Variants in PIGL observed in about 807,000 individuals in gnomAD.
PIGL encodes the protein N-acetylglucosaminyl-phosphatidylinositol de-N-acetylase.
A neutral mutation model predicts 31.1 loss-of-function variants in PIGL; 22 were observed. The observed-to-expected ratio is 0.71, with a 90% confidence interval of 0.51 to 1.01. PIGL has a LOEUF of 1.01. Ranked by LOEUF, PIGL falls within the 50% of genes least tolerant of loss-of-function variation. The pLI, the probability that PIGL is intolerant of heterozygous loss-of-function variation, is 0.00. For missense variants in PIGL, 302 were observed against 315.9 expected, an observed-to-expected ratio of 0.96 and a Z score of 0.33; for synonymous variants, 131 against 117.4, an observed-to-expected ratio of 1.12 and a Z score of -0.75.
At chr17:16,248,963 TGTG>T (rs2092759707) in intron 2 of PIGL, among the ~76,000 whole-genome samples, 1 of 152,168 alleles carries the variant, frequency 6.6e-6, no homozygotes, top group African/African-American at 2.4e-5. Context: ...CTGTGCCTCA[TGTG>T]GTGGAGGGAC....
intron 2 of PIGL, among the ~76,000 whole-genome samples, chr17:16,290,098 A>T (rs1042980629): frequency 1.1e-4 from 16 of 140,382 alleles, no homozygotes; most frequent in African/African-American, 3.7e-4. Flanking sequence ...TCTTTTTTTT[A>T]ATTTTTTTTT....
intron 6 of PIGL, among the ~76,000 whole-genome samples, chr17:16,318,274 CTT>C (rs879336540): frequency 9.0e-5 from 13 of 144,956 alleles, no homozygotes; most frequent in African/African-American, 2.5e-4. Flanking sequence ...TCTTTCTACT[CTT>C]TTTTTTTTTT....
chr17:16,296,084 T>A (rs993678685), intron 2 of PIGL, among the ~76,000 whole-genome samples: 6 of 152,252 alleles, frequency 3.9e-5, no homozygotes, highest in African/African-American at 1.4e-4. Flanking sequence ...TCCATATTTA[T>A]GTACTTATTT....
At chr17:16,292,087 T>G (rs1158513901) in intron 2 of PIGL, among the ~76,000 whole-genome samples, 3 of 136,490 alleles carry the variant, frequency 2.2e-5, no homozygotes, top group Non-Finnish European at 3.1e-5. Flanking sequence ...CAGGCTGGAG[T>G]ACAGTGACAT....
At chr17:16,246,787 G>A (rs1436075705) in intron 2 of PIGL, among the ~76,000 whole-genome samples, 2 of 143,522 alleles carry the variant, frequency 1.4e-5, no homozygotes, top group African/African-American at 2.6e-5. Context: ...CCGGGTTCAC[G>A]CCATTCTCCT....
chr17:16,308,738 G>A (rs1437648466), intron 3 of PIGL, among the ~76,000 whole-genome samples: 2 of 150,782 alleles, frequency 1.3e-5, no homozygotes, highest in African/African-American at 2.4e-5. Context: ...GCCAGGTATG[G>A]TGGCATGCAC....
intron 2 of PIGL, among the ~76,000 whole-genome samples, chr17:16,247,263 A>G (rs1268863784): frequency 3.9e-5 from 6 of 152,194 alleles, no homozygotes; most frequent in African/African-American, 7.2e-5. Flanking sequence ...TATTCAGTTC[A>G]TAGTATTCCA....
At chr17:16,246,187 G>A (rs992156839) in intron 2 of PIGL, among the ~76,000 whole-genome samples, 7 of 151,214 alleles carry the variant, frequency 4.6e-5, no homozygotes, top group Non-Finnish European at 7.4e-5. Context: ...TCCCCTACTC[G>A]TGAAATGCTA....
rs150053434 is a variant in PIGL, at chr17:16,284,422, A to G, written c.336-15466A>G. Reference sequence around the variant, plus strand: ...TGATAGCAGCCCCTTCTCAAAACAAATCTCCTTCTTGCCTGGGGACTAGAC... The same window carrying G: ...TGATAGCAGCCCCTTCTCAAAACAAGTCTCCTTCTTGCCTGGGGACTAGAC... On this transcript the variant is annotated intron_variant, in intron 2 of 6. Transcript: ENST00000225609. Among the ~76,000 whole-genome samples, 14 of 152,266 alleles carry G rather than the reference A, an allele frequency of 9.2e-5. No homozygotes were observed. The East Asian group carries it at 2.5e-3, about 27-fold the overall frequency.
In PIGL at chr17:16,317,468, A is replaced by AT. The variant is rs2093082863; in HGVS notation, c.527-305dup. The AT allele has an allele frequency of 2.7e-6, 3 of 1,099,140 alleles. No homozygotes were observed. The East Asian group carries it at 1.7e-4, about 61-fold the overall frequency. The allele number at this position is 1,099,140 out of a possible 1,614,324, so 68.1% of individuals were successfully genotyped here. A position where few individuals can be genotyped will look rare whatever the true frequency, so the allele number is the denominator to read the frequency against. ...AGGTCTCTAAACTCCCAATACAGTA[A>AT]TTCCTGTCTCCTTTACTTCCTTTGG... On this transcript the variant is annotated intron_variant, in intron 5 of 6. Transcript: ENST00000225609.
intron 2 of PIGL, among the ~76,000 whole-genome samples, chr17:16,239,252 G>A (rs150597345): frequency 0.037 from 5,536 of 151,262 alleles, 104 homozygotes; most frequent in East Asian, 0.072. Context: ...GGGAGGCCGA[G>A]GCAGGCGGAT....
intron 2 of PIGL, among the ~76,000 whole-genome samples, chr17:16,244,463 A>G (rs557874564): frequency 2.0e-5 from 3 of 151,950 alleles, no homozygotes; most frequent in Non-Finnish European, 2.9e-5. Flanking sequence ...TTTCTCAGGC[A>G]CTCCATTTGC....
chr17:16,322,840 C>G (rs1054446365), intron 6 of PIGL, among the ~76,000 whole-genome samples: 1 of 152,104 alleles, frequency 6.6e-6, no homozygotes, highest in South Asian at 2.1e-4. Context: ...ATTTAATGCC[C>G]CATTTTTCTC....
rs548225776 is a variant in PIGL, at chr17:16,249,440, G to A, written c.335+15370G>A. Reference sequence around the variant, plus strand: ...AGTTGCAGTGAGCCAAGATCATGCCGTCACACTCCAGCCTGGGCAACAGAG... The same window carrying A: ...AGTTGCAGTGAGCCAAGATCATGCCATCACACTCCAGCCTGGGCAACAGAG... On this transcript the variant is annotated intron_variant, in intron 2 of 6. Coordinates refer to ENST00000225609, the MANE Select transcript of PIGL (RefSeq NM_004278.4). Among the ~76,000 whole-genome samples the A allele has an allele frequency of 5.9e-5, 9 of 152,214 alleles. No individual in the cohort carries two copies. The East Asian group carries it at 7.7e-4, about 13-fold the overall frequency.
In PIGL at chr17:16,316,593, A is replaced by G. The variant is rs1033301079; in HGVS notation, c.495-88A>G. On this transcript the variant is annotated intron_variant, in intron 4 of 6. Transcript: ENST00000225609. ...GACTCACATGGAGGGGACCATGGGCATGGCAGCCTTTCCTCTGAAGGCCCC... is the reference window on the plus strand; with the variant it reads ...GACTCACATGGAGGGGACCATGGGCGTGGCAGCCTTTCCTCTGAAGGCCCC... 5.4e-6 allele frequency: 7 copies of G among 1,302,610 alleles called. No individual in the cohort carries two copies. The Admixed American group carries it at 7.7e-5, about 14-fold the overall frequency. 80.7% of individuals were successfully genotyped at this position (1,302,610 alleles called of 1,614,324 possible).
At chr17:16,219,768 G>T (rs1446893038) in intron 1 of PIGL, among the ~76,000 whole-genome samples, 1 of 151,458 alleles carries the variant, frequency 6.6e-6, no homozygotes, top group African/African-American at 2.4e-5. Flanking sequence ...GTTTTGCTGG[G>T]ATAGCCAGGC....
intron 1 of PIGL, among the ~76,000 whole-genome samples, chr17:16,224,878 G>A (rs538536919): frequency 6.6e-6 from 1 of 150,838 alleles, no homozygotes; most frequent in East Asian, 2.0e-4. Context: ...GGATGGTCTC[G>A]ATCTCCTGAC....
At chr17:16,295,619 C>CT (rs2092978499) in intron 2 of PIGL, among the ~76,000 whole-genome samples, 1 of 151,822 alleles carries the variant, frequency 6.6e-6, no homozygotes, top group Non-Finnish European at 1.5e-5. Context: ...GCATTCCAGC[C>CT]TGGGTGACAG....
chr17:16,256,790 G>T (rs1319542978), intron 2 of PIGL, among the ~76,000 whole-genome samples: 1 of 151,704 alleles, frequency 6.6e-6, no homozygotes, highest in Non-Finnish European at 1.5e-5. Flanking sequence ...TGCCTCCTGG[G>T]CTCAAGTGAT....
Sources: gnomAD v4.1 joint callset for allele counts (sites outside exome capture counted in the v4.1 genomes callset) on GRCh38, gnomAD v4.1.1 for gene constraint, MANE v1.5 for transcripts, NCBI Gene and HGNC (gene_info 2026-07-23, HGNC 2026-07-21) for gene names.